TMEM132C: variants seen among roughly 807,000 people sequenced by gnomAD.
TMEM132C encodes transmembrane protein 132C.
Under a neutral mutation model 61.4 loss-of-function variants are expected in TMEM132C, and 29 were observed. That is an observed-to-expected ratio of 0.47 (90% CI 0.35 to 0.64). The LOEUF (loss-of-function observed/expected upper bound fraction) is 0.64. TMEM132C is among the 30% of genes least tolerant of loss of function. TMEM132C has a pLI of 0.00. For missense variants in TMEM132C, 1,408 were observed against 1,476.9 expected (o/e 0.95, Z 0.76); for synonymous variants, 656 against 633.1 (o/e 1.04, Z -0.54).
chr12:128,377,685 C>T (rs552112545), intron 1 of TMEM132C, among the ~76,000 whole-genome samples: 1 of 152,248 alleles, frequency 6.6e-6, no homozygotes, highest in Non-Finnish European at 1.5e-5. Context: ...TATTTCAAAC[C>T]GTGGGACACA....
At chr12:128,603,911 G>A (rs1192403837) in intron 3 of TMEM132C, among the ~76,000 whole-genome samples, 1 of 152,210 alleles carries the variant, frequency 6.6e-6, no homozygotes, top group Non-Finnish European at 1.5e-5. Context: ...TCTGATTGTG[G>A]TCAGGACAGG....
At chr12:128,558,573 G>A (rs1874407226) in intron 3 of TMEM132C, among the ~76,000 whole-genome samples, 3 of 152,176 alleles carry the variant, frequency 2.0e-5, no homozygotes, top group South Asian at 2.1e-4. Context: ...CATAAGTCTC[G>A]GGTATGTCTT....
At chr12:128,651,245 C>CTA (rs1954266676) in intron 4 of TMEM132C, among the ~76,000 whole-genome samples, 1 of 152,210 alleles carries the variant, frequency 6.6e-6, no homozygotes, top group South Asian at 2.1e-4. Flanking sequence ...CTGCCCTGAG[C>CTA]TATCCATCAT....
chr12:128,439,481 T>A (rs1051424585), intron 2 of TMEM132C, among the ~76,000 whole-genome samples: 17 of 152,230 alleles, frequency 1.1e-4, no homozygotes, highest in Admixed American at 4.6e-4. Flanking sequence ...TCTGTGCATG[T>A]TAGACTTATT....
At chr12:128,703,625 A>C (rs1954817732) in intron 8 of TMEM132C, among the ~76,000 whole-genome samples, 1 of 152,230 alleles carries the variant, frequency 6.6e-6, no homozygotes, top group Non-Finnish European at 1.5e-5. Context: ...GAGAGCCTGT[A>C]TCCACTGGGC....
intron 3 of TMEM132C, among the ~76,000 whole-genome samples, chr12:128,599,309 A>G (rs1876085351): frequency 6.6e-6 from 1 of 152,234 alleles, no homozygotes; most frequent in South Asian, 2.1e-4. Context: ...CTGCTGCAGA[A>G]CTGCCTAGGA....
At chr12:128,426,013 G>A (rs1329012228) in intron 2 of TMEM132C, among the ~76,000 whole-genome samples, 2 of 152,212 alleles carry the variant, frequency 1.3e-5, no homozygotes, top group African/African-American at 2.4e-5. Context: ...CGAGAATACA[G>A]ACTGCCTGAC....
chr12:128,706,296 G>A lies in TMEM132C; in HGVS notation c.*1G>A. The A allele has an allele frequency of 6.6e-7, 1 of 1,515,600 alleles. No homozygotes were observed. The highest frequency in any genetic ancestry group is 1.3e-5 in the South Asian group (1 of 78,960). 93.9% of individuals were successfully genotyped at this position (1,515,600 alleles called of 1,614,324 possible). A position where few individuals can be genotyped will look rare whatever the true frequency, so the allele number is the denominator to read the frequency against. ...GGAGAAACTCAAAGATAAGGCTTAG[G>A]CCCCTCTAGCCAAAGGGCCCTGCCC... On this transcript the variant is annotated 3_prime_UTR_variant, in exon 9 of 9. Transcript: ENST00000435159.
intron 1 of TMEM132C, among the ~76,000 whole-genome samples, chr12:128,405,448 G>A (rs1406576967): frequency 2.0e-5 from 3 of 152,110 alleles, no homozygotes; most frequent in Non-Finnish European, 4.4e-5. Context: ...GCGCAAAATC[G>A]CCTGTTCAAC....
At chr12:128,447,705 CTTTTTTTTTTTTT>C (rs767506039) in intron 2 of TMEM132C, among the ~76,000 whole-genome samples, 9 of 58,630 alleles carry the variant, frequency 1.5e-4, no homozygotes, top group East Asian at 1.0e-3. Context: ...ATTTCAAGTG[CTTTTTTTTTTTTT>C]TTTTTTTTTT....
intron 4 of TMEM132C, among the ~76,000 whole-genome samples, chr12:128,624,603 C>G (rs1030925427): frequency 2.0e-5 from 3 of 149,502 alleles, no homozygotes; most frequent in Non-Finnish European, 4.4e-5. Flanking sequence ...GGGCCTGTTT[C>G]GAGAACTAAC....
intron 1 of TMEM132C, among the ~76,000 whole-genome samples, chr12:128,399,727 G>A (rs1875086038): frequency 6.6e-6 from 1 of 151,970 alleles, no homozygotes; most frequent in African/African-American, 2.4e-5. Flanking sequence ...TGGCCTGTGG[G>A]TCAAACACAG....
chr12:128,558,369 C>G (rs1874400691), intron 3 of TMEM132C, among the ~76,000 whole-genome samples: 1 of 152,166 alleles, frequency 6.6e-6, no homozygotes, highest in Non-Finnish European at 1.5e-5. Context: ...GGGCTTTTCC[C>G]ATGCTGTTCT....
chr12:128,550,618 G>T (rs191469630), intron 3 of TMEM132C, among the ~76,000 whole-genome samples: 1 of 152,136 alleles, frequency 6.6e-6, no homozygotes, highest in African/African-American at 2.4e-5. Flanking sequence ...TCATCTTCCC[G>T]TAAGGACACC....
chr12:128,493,168 A>G lies in TMEM132C; in HGVS notation c.975-50789A>G, dbSNP rs571491183. Among the ~76,000 whole-genome samples the G allele has an allele frequency of 5.4e-4, 82 of 152,004 alleles. 1 individual carries two copies. The highest frequency in any genetic ancestry group is 1.8e-3 in the African/African-American group (75 of 41,396). ...AAAGATCAGATGGTTTTAGATGTGT[A>G]GTATTATTTCTGAGGGCTCTGTTCT... On this transcript the variant is annotated intron_variant, in intron 2 of 8. Coordinates refer to ENST00000435159, the MANE Select transcript of TMEM132C (RefSeq NM_001136103.3).
intron 3 of TMEM132C, among the ~76,000 whole-genome samples, chr12:128,575,924 C>T (rs575220145): frequency 6.6e-6 from 1 of 152,308 alleles, no homozygotes; most frequent in South Asian, 2.1e-4. Flanking sequence ...TTATCTGCAG[C>T]TGATATCTTG....
intron 1 of TMEM132C, among the ~76,000 whole-genome samples, chr12:128,320,093 G>T (rs1379143157): frequency 6.6e-6 from 1 of 152,172 alleles, no homozygotes; most frequent in Non-Finnish European, 1.5e-5. Context: ...GTCGCCAAAA[G>T]TTGTTAGTTA....
At chr12:128,413,309 A>AAAAC (rs1338121944) in intron 1 of TMEM132C, among the ~76,000 whole-genome samples, 1 of 150,564 alleles carries the variant, frequency 6.6e-6, no homozygotes, top group East Asian at 1.9e-4. Context: ...AAAAAAAAAA[A>AAAAC]AAAAAAAAAA....
intron 2 of TMEM132C, among the ~76,000 whole-genome samples, chr12:128,424,375 A>G (rs78080743): frequency 0.013 from 1,962 of 152,150 alleles, 43 homozygotes; most frequent in African/African-American, 0.045. Context: ...ATGCAATGAT[A>G]TATTATTCAG....
Sources: allele counts gnomAD v4.1 joint callset (sites outside exome capture counted in the v4.1 genomes callset), GRCh38; gene constraint gnomAD v4.1.1; transcripts MANE v1.5; gene names NCBI Gene and HGNC (gene_info 2026-07-23, HGNC 2026-07-21).